The following NMNAT2 variants were observed in gnomAD, a reference collection of about 807,000 sequenced individuals.
NMNAT2 encodes the protein nicotinamide/nicotinic acid mononucleotide adenylyltransferase 2.
In NMNAT2, 11 loss-of-function variants were observed where a neutral mutation model predicts 41.6. The ratio of observed to expected loss-of-function variants is 0.26; its 90% CI spans 0.17 to 0.44. The LOEUF is 0.44. Ranked by LOEUF, NMNAT2 falls within the 20% of genes least tolerant of loss-of-function variation. The pLI is 1.00. For synonymous variants in NMNAT2, 148 were observed against 151.2 expected (o/e 0.98, Z 0.16); for missense variants, 288 against 407.7 (o/e 0.71, Z 2.53).
intron 7 of NMNAT2, among the ~76,000 whole-genome samples, chr1:183,280,942 C>T (rs1235459168): frequency 4.0e-5 from 6 of 151,344 alleles, no homozygotes; most frequent in African/African-American, 1.5e-4. Flanking sequence ...TGTGCCACCA[C>T]ACCCGGCTAA....
rs1340405036 is a variant in NMNAT2, at chr1:183,361,729, C to A, written c.85+56454G>T. Among the ~76,000 whole-genome samples the A allele has an allele frequency of 2.0e-5, 3 of 152,120 alleles. No individual in the cohort carries two copies. In the East Asian group the frequency reaches 5.8e-4, roughly 29 times the overall value. On this transcript the variant is annotated intron_variant, in intron 1 of 10. Transcript: ENST00000287713. The stretch of plus-strand genomic sequence containing the variant: ...TTGTATTTTGTGAAGTATCTCCCCA[C>A]AGATTTTTGGCTGTTTATCAAGAAC...
intron 1 of NMNAT2, among the ~76,000 whole-genome samples, chr1:183,414,324 C>G (rs116321841): frequency 6.6e-6 from 1 of 152,106 alleles, no homozygotes; most frequent in South Asian, 2.1e-4. Flanking sequence ...TGATGAAATT[C>G]CCCAATTCCT....
At chr1:183,313,820 C>T (rs574844068) in intron 1 of NMNAT2, among the ~76,000 whole-genome samples, 11 of 152,306 alleles carry the variant, frequency 7.2e-5, no homozygotes, top group African/African-American at 2.6e-4. Context: ...CCAACAACAA[C>T]AGCACATATT....
At chr1:183,391,381 A>G (rs549171885) in intron 1 of NMNAT2, among the ~76,000 whole-genome samples, 105 of 152,182 alleles carry the variant, frequency 6.9e-4, no homozygotes, top group Admixed American at 1.0e-3. Flanking sequence ...CAACTCCTCC[A>G]TTTTGGCTTG....
intron 1 of NMNAT2, among the ~76,000 whole-genome samples, chr1:183,340,201 G>A (rs1371919981): frequency 6.6e-6 from 1 of 152,218 alleles, no homozygotes; most frequent in East Asian, 1.9e-4. Flanking sequence ...GTACTGGCAA[G>A]CACAGCCTCT....
intron 1 of NMNAT2, among the ~76,000 whole-genome samples, chr1:183,379,026 G>A (rs1448094906): frequency 6.8e-6 from 1 of 146,448 alleles, no homozygotes; most frequent in African/African-American, 2.5e-5. Context: ...CTGGGTGACA[G>A]AGTGAGACTC....
At chr1:183,349,588 G>A (rs538550678) in intron 1 of NMNAT2, among the ~76,000 whole-genome samples, 30 of 152,360 alleles carry the variant, frequency 2.0e-4, no homozygotes, top group African/African-American at 4.8e-4. Flanking sequence ...CAAGAGCTGC[G>A]TCTTTGCATG....
chr1:183,312,265 CTT>C (rs534701278), intron 1 of NMNAT2, among the ~76,000 whole-genome samples: 15 of 140,570 alleles, frequency 1.1e-4, no homozygotes, highest in Admixed American at 2.2e-4. Context: ...TAATTTAAGG[CTT>C]TTTTTTTTTT....
chr1:183,408,787 A>G (rs1454135044), intron 1 of NMNAT2, among the ~76,000 whole-genome samples: 1 of 152,224 alleles, frequency 6.6e-6, no homozygotes, highest in East Asian at 1.9e-4. Context: ...TGGTTCATGG[A>G]AAATGAAGCA....
intron 1 of NMNAT2, among the ~76,000 whole-genome samples, chr1:183,302,640 C>G (rs543754552): frequency 6.6e-6 from 1 of 152,278 alleles, no homozygotes; most frequent in African/African-American, 2.4e-5. Context: ...ATTGCGCTCT[C>G]ACACTCAGGG....
At chr1:183,366,296 C>T (rs1434631910) in intron 1 of NMNAT2, among the ~76,000 whole-genome samples, 4 of 152,198 alleles carry the variant, frequency 2.6e-5, no homozygotes, top group African/African-American at 9.7e-5. Context: ...TCATTTTCTT[C>T]CCCTGTAAAA....
chr1:183,281,588 C>T (rs1036684813), intron 7 of NMNAT2, among the ~76,000 whole-genome samples: 7 of 152,160 alleles, frequency 4.6e-5, no homozygotes, highest in African/African-American at 1.7e-4. Flanking sequence ...TCTTGCAGGA[C>T]CAGTGCAAAC....
intron 10 of NMNAT2, among the ~76,000 whole-genome samples, chr1:183,259,339 G>A (rs1368580284): frequency 6.6e-6 from 1 of 152,104 alleles, no homozygotes; most frequent in Admixed American, 6.5e-5. Flanking sequence ...ACCCTTGTGA[G>A]TGTCTCTGTA....
chr1:183,350,595 C>T (rs971362553), intron 1 of NMNAT2, among the ~76,000 whole-genome samples: 1 of 152,112 alleles, frequency 6.6e-6, no homozygotes, highest in African/African-American at 2.4e-5. Flanking sequence ...CAGTTCAGCT[C>T]CTGGAATACT....
rs562966421 is a variant in NMNAT2, at chr1:183,394,995, C to T, written c.85+23188G>A. On this transcript the variant is annotated intron_variant, in intron 1 of 10. Transcript: ENST00000287713. ...ATGGCAGTTACCCACCCTTCTTTGC[C>T]GTTCAGCCATTCTCCCAGCCCTTCA... Among the ~76,000 whole-genome samples the T allele has an allele frequency of 3.9e-5, 6 of 152,270 alleles. No homozygotes were observed. In the South Asian group the frequency reaches 1.2e-3, roughly 32 times the overall value.
At chr1:183,327,599 T>A (rs976049465) in intron 1 of NMNAT2, among the ~76,000 whole-genome samples, 1 of 152,194 alleles carries the variant, frequency 6.6e-6, no homozygotes, top group African/African-American at 2.4e-5. Context: ...CATCAGTATG[T>A]CCCAGAATCG....
chr1:183,305,444 T>C (rs796724677), intron 1 of NMNAT2, among the ~76,000 whole-genome samples: 12 of 152,288 alleles, frequency 7.9e-5, no homozygotes, highest in African/African-American at 2.9e-4. Flanking sequence ...TATTTTTAAC[T>C]ACACGTCTAT....
chr1:183,278,679 A>C, intron 7 of NMNAT2, 50 bp from the exon 8 acceptor site: 1 of 1,328,816 alleles, frequency 7.5e-7, no homozygotes, highest in Non-Finnish European at 1.1e-6. Flanking sequence ...TGGCCCGGGA[A>C]GCATTTGACC....
intron 1 of NMNAT2, among the ~76,000 whole-genome samples, chr1:183,296,642 A>T (rs1661707208): frequency 6.6e-6 from 1 of 151,848 alleles, no homozygotes; most frequent in Non-Finnish European, 1.5e-5. Context: ...CCTCATAGGT[A>T]GCTGGGATTA....
Sources: gnomAD v4.1 joint callset for allele counts (sites outside exome capture counted in the v4.1 genomes callset) on GRCh38, gnomAD v4.1.1 for gene constraint, MANE v1.5 for transcripts, NCBI Gene and HGNC (gene_info 2026-07-23, HGNC 2026-07-21) for gene names.